The following STAU1 variants were observed in gnomAD, a reference collection of about 807,000 sequenced individuals.
STAU1 encodes staufen double-stranded RNA binding protein 1, also known as double-stranded RNA-binding protein Staufen homolog 1.
In STAU1, 13 loss-of-function variants were observed where a neutral mutation model predicts 62.9. The ratio of observed to expected loss-of-function variants is 0.21; its 90% CI spans 0.13 to 0.33. STAU1 has a LOEUF of 0.33. STAU1 is among the 10% of genes least tolerant of loss of function. The probability of loss-of-function intolerance (pLI) is 1.00; values close to 1 mark genes in which losing one functional copy is unlikely to be tolerated. For synonymous variants in STAU1, 269 were observed against 265.1 expected (o/e 1.01, Z -0.14); for missense variants, 571 against 712.1 (o/e 0.80, Z 2.25).
intron 12 of STAU1, among the ~76,000 whole-genome samples, chr20:49,116,380 G>A (rs1009718336): frequency 2.0e-5 from 3 of 152,116 alleles, no homozygotes; most frequent in African/African-American, 7.2e-5. Context: ...AGCTGCCCAG[G>A]CTGGAGTGCA....
intron 3 of STAU1, chr20:49,159,100 G>T: frequency 8.8e-7 from 1 of 1,141,032 alleles, no homozygotes; most frequent in African/African-American, 1.7e-5. Flanking sequence ...ACAATCCCTG[G>T]GTCATCTTGG....
chr20:49,125,636 G>A (rs1371098940), intron 6 of STAU1, among the ~76,000 whole-genome samples: 3 of 151,766 alleles, frequency 2.0e-5, no homozygotes, highest in Admixed American at 6.6e-5. Flanking sequence ...CACGAGGTCA[G>A]GAGATCGAGA....
chr20:49,196,458 A>AG, the STAU1 span, among the ~76,000 whole-genome samples: 8 of 149,732 alleles, frequency 5.3e-5, no homozygotes, highest in East Asian at 2.0e-4. Flanking sequence ...AAAAAAAAAA[A>AG]AAGAAGAAGA....
Position 49,185,284 on chromosome 20 carries a change from T to C in STAU1, c.-160+2832A>G, listed in dbSNP as rs181900097. 2.2e-3 allele frequency among the ~76,000 whole-genome samples: 336 copies of C among 152,356 alleles called. 1 individual carries two copies. Among genetic ancestry groups the C allele is most frequent in the Non-Finnish European group, 3.9e-3 (262 of 68,034 alleles). On this transcript the variant is annotated intron_variant, in intron 1 of 13. Coordinates refer to ENST00000371856, the MANE Select transcript of STAU1 (RefSeq NM_017453.4). The stretch of plus-strand genomic sequence containing the variant: ...CAAAGTTATCTCTATTAAAGTGGGT[T>C]AAAAGGCAGGTCTCTGCCAAAACAG...
At chr20:49,141,088 C>A (rs1047817192) in intron 5 of STAU1, among the ~76,000 whole-genome samples, 1 of 151,874 alleles carries the variant, frequency 6.6e-6, no homozygotes, top group African/African-American at 2.4e-5. Flanking sequence ...CTCAGACTGT[C>A]GTAAGACTTT....
At chr20:49,211,571 G>A in the STAU1 span, among the ~76,000 whole-genome samples, 6 of 151,732 alleles carry the variant, frequency 4.0e-5, no homozygotes, top group Non-Finnish European at 5.9e-5. Flanking sequence ...GCAATGGTGC[G>A]ATCTAGGCTC....
chr20:49,205,363 GTTT>G, the STAU1 span, among the ~76,000 whole-genome samples: 159 of 118,096 alleles, frequency 1.3e-3, no homozygotes, highest in African/African-American at 4.3e-3. Context: ...CTTTATGACA[GTTT>G]TTTTTTTTTT....
chr20:49,183,643 T>G (rs1250263643), intron 1 of STAU1, among the ~76,000 whole-genome samples: 1 of 152,198 alleles, frequency 6.6e-6, no homozygotes, highest in Non-Finnish European at 1.5e-5. Flanking sequence ...TGAAGCAGTA[T>G]CCATTTTGAT....
intron 9 of STAU1, among the ~76,000 whole-genome samples, chr20:49,119,351 A>C (rs568650414): frequency 6.6e-6 from 1 of 151,956 alleles, no homozygotes; most frequent in South Asian, 2.1e-4. Flanking sequence ...CTGATATTTT[A>C]ATTTTTTGTA....
chr20:49,116,438 G>A (rs745717494), intron 12 of STAU1, among the ~76,000 whole-genome samples: 4 of 152,118 alleles, frequency 2.6e-5, no homozygotes, highest in Admixed American at 6.5e-5. Flanking sequence ...GGGTTCAAGC[G>A]ATTCTCCTGC....
At chr20:49,171,803 C>T (rs2093600896) in intron 2 of STAU1, among the ~76,000 whole-genome samples, 1 of 151,856 alleles carries the variant, frequency 6.6e-6, no homozygotes, top group South Asian at 2.1e-4. Flanking sequence ...AGGATCATTT[C>T]CAAAATGACC....
Position 49,118,356 on chromosome 20 carries a change from C to G in STAU1, c.1166G>C (p.Gly389Ala). 6.2e-7 allele frequency: 1 copy of G among 1,613,224 alleles called. No homozygotes were observed. The change falls in exon 10 of 14, where the codon GGC becomes GCC. Residue 389 changes from glycine to alanine, a missense_variant. Physicochemically the swap from Gly to Ala is moderately conservative, Grantham distance 60. Around this residue, in one of 3 missense-constraint regions of STAU1, gnomAD observed 414 missense variants for 499.6 expected, o/e 0.83. Coordinates refer to ENST00000371856, the MANE Select transcript of STAU1 (RefSeq NM_017453.4). ...DGRKVTFFEP[G>A]SGDENGTSNK... is the part of the protein sequence containing the mutation. ...ACTAGTCCCATTTTCATCCCCAGAG[C>G]CAGGTTCAAAAAAGGTTACTTTTCT...
chr20:49,134,764 G>A (rs1407292676), intron 6 of STAU1: 9 of 1,161,466 alleles, frequency 7.7e-6, no homozygotes, highest in Non-Finnish European at 1.2e-5. Flanking sequence ...AGAAAGAAAT[G>A]TATACACTGG....
At chr20:49,188,778 A>G (rs966839462), upstream of STAU1, among the ~76,000 whole-genome samples, 3 of 152,248 alleles carry the variant, frequency 2.0e-5, no homozygotes, top group Non-Finnish European at 4.4e-5. Flanking sequence ...AATGCTTGCC[A>G]TATGCAAGGC....
In STAU1 at chr20:49,188,320, G is replaced by A. The variant is rs986155383; in HGVS notation, c.-364C>T. On this transcript the variant is annotated 5_prime_UTR_variant, in exon 1 of 14. Transcript: ENST00000371856. ...GCCGAGAGAGACGCGGCAGCCGCCG[G>A]CGCAAACGCTGAAGAGCCGCTCAGG... The A allele has an allele frequency of 3.3e-5, 5 of 151,990 alleles. No homozygotes were observed. The highest frequency in any genetic ancestry group is 6.6e-5 in the Admixed American group (1 of 15,258). The allele number at this position is 151,990 out of a possible 1,614,324, so 9.4% of individuals were successfully genotyped here. A position where few individuals can be genotyped will look rare whatever the true frequency, so the allele number is the denominator to read the frequency against.
In STAU1 at chr20:49,131,833, G is replaced by A. The variant is rs1323936614; in HGVS notation, c.609+4000C>T. ...TCTCTAGCCTGGGCAACAGAGTTAG[G>A]CTCCGTCACAAAAAAAAAAAAAACA... is the stretch of plus-strand genomic sequence containing the variant. On this transcript the variant is annotated intron_variant, in intron 6 of 13. Coordinates refer to ENST00000371856, the MANE Select transcript of STAU1 (RefSeq NM_017453.4). Among the ~76,000 whole-genome samples, 4 of 128,592 alleles carry A rather than the reference G, an allele frequency of 3.1e-5. No individual in the cohort carries two copies. In the East Asian group the frequency reaches 9.0e-4, roughly 29 times the overall value. 84.4% of individuals were successfully genotyped at this position (128,592 alleles called of 152,430 possible).
chr20:49,164,222 T>C lies in STAU1; in HGVS notation c.205+1775A>G, dbSNP rs559859615. Among the ~76,000 whole-genome samples, 3 of 152,042 alleles carry C rather than the reference T, an allele frequency of 2.0e-5. No homozygotes were observed. In the South Asian group the frequency reaches 6.2e-4, roughly 32 times the overall value. ...TCCAGCCTAAGCAACAAAGTGAGAC[T>C]CTGTCTCATAAATAAATAAATAGGC... is the stretch of plus-strand genomic sequence containing the variant. On this transcript the variant is annotated intron_variant, in intron 3 of 13. Coordinates refer to ENST00000371856, the MANE Select transcript of STAU1 (RefSeq NM_017453.4).
chr20:49,180,338 C>CT (rs900053147), intron 1 of STAU1, among the ~76,000 whole-genome samples: 1 of 150,550 alleles, frequency 6.6e-6, no homozygotes. Context: ...TTTTTCCCCC[C>CT]CTGGATACAG....
intron 2 of STAU1, among the ~76,000 whole-genome samples, chr20:49,168,796 C>A (rs1158123075): frequency 6.6e-6 from 1 of 152,112 alleles, no homozygotes; most frequent in Non-Finnish European, 1.5e-5. Flanking sequence ...GGGGAACCTA[C>A]TGATATTTAG....
Sources: gnomAD v4.1 joint callset for allele counts (sites outside exome capture counted in the v4.1 genomes callset) on GRCh38, gnomAD v4.1.1 for gene constraint, gnomAD v4.1.1 regional missense constraint, MANE v1.5 for transcripts, NCBI Gene and HGNC (gene_info 2026-07-23, HGNC 2026-07-21) for gene names.